The following HOXA10 variants were observed in gnomAD, a reference collection of about 807,000 sequenced individuals.
HOXA10 encodes the protein homeobox protein Hox-A10.
Under a neutral mutation model 29.7 loss-of-function variants are expected in HOXA10, and 12 were observed. The ratio of observed to expected loss-of-function variants is 0.40; its 90% confidence interval spans 0.26 to 0.65. HOXA10 has a LOEUF of 0.65. Among genes scored for constraint, HOXA10 ranks in the 30% least tolerant of loss-of-function variants. HOXA10 has a pLI of 0.37. For missense variants in HOXA10, 656 were observed against 585.9 expected, an observed-to-expected ratio of 1.12 and a Z score of -1.24; for synonymous variants, 327 against 280.7, an observed-to-expected ratio of 1.16 and a Z score of -1.65.
Position 27,174,230 on chromosome 7 carries a change from G to A in HOXA10, c.77C>T (p.Ala26Val). 1.2e-6 allele frequency: 2 copies of A among 1,600,480 alleles called. No individual in the cohort carries two copies. The highest frequency in any genetic ancestry group is 1.7e-6 in the Non-Finnish European group (2 of 1,179,824). The part of the protein sequence containing the change: ...TTMSCSESPA[A>V]NSFLVDSLIS... ...GAGCGAGTCGACCAAAAAAGAGTTC[G>A]CGGCGGGGCTCTCCGAGCATGACAT... The change falls in exon 1 of 2, where the codon GCG becomes GTG. Residue 26 changes from alanine (A) to valine (V), a missense_variant. Around this residue, in one of 2 missense-constraint regions of HOXA10, gnomAD observed 594 missense variants for 491.9 expected, o/e 1.21. Transcript: ENST00000283921.
upstream of HOXA10, among the ~76,000 whole-genome samples, chr7:27,176,891 T>A (rs542116558): frequency 1.3e-5 from 2 of 152,374 alleles, no homozygotes; most frequent in Non-Finnish European, 2.9e-5. Flanking sequence ...TATCTGTATA[T>A]TCCCACAATT....
Position 27,172,272 on chromosome 7 carries a change from C to T in HOXA10, c.959-99G>A, listed in dbSNP as rs138195574. The T allele has an allele frequency of 1.1e-3, 1,373 of 1,258,066 alleles. 24 individuals carry two copies. In the East Asian group the frequency reaches 0.027, roughly 25 times the overall value. 77.9% of individuals were successfully genotyped at this position (1,258,066 alleles called of 1,614,324 possible). On this transcript the variant is annotated intron_variant, in intron 1 of 1. Transcript: ENST00000283921. ...CCGTTTCTCCCATAAGAGAGATGTC[C>T]CAAGTCACAGAGAAGAGAGTCGTGC...
chr7:27,179,771 CT>C, exon 1 of HOXA10: 1 of 715,080 alleles, frequency 1.4e-6, no homozygotes. Context: ...GGTGAGTCCC[CT>C]TTTTCTGTTA....
At chr7:27,172,287 G>T in intron 1 of HOXA10, 114 bp from the exon 2 acceptor site, 1 of 1,136,846 alleles carries the variant, frequency 8.8e-7, no homozygotes, top group South Asian at 1.3e-5. Context: ...TCACAGAGAA[G>T]AGAGTCGTGC....
chr7:27,173,946 C>T lies in HOXA10; in HGVS notation c.361G>A (p.Ala121Thr), dbSNP rs1251237496. The T allele has an allele frequency of 6.6e-7, 1 of 1,526,054 alleles. No individual in the cohort carries two copies. Among genetic ancestry groups the T allele is most frequent in the South Asian group, 1.2e-5 (1 of 81,874 alleles). 94.5% of individuals were successfully genotyped at this position (1,526,054 alleles called of 1,614,324 possible). ...GPSPIDLWLD[A>T]PRSCRMEPPD... ...GGCTCCATCCGGCAAGACCGGGGCG[C>T]GTCTAGCCACAGGTCTATGGGCGAG... Residue 121 changes from alanine to threonine, a missense_variant, in exon 1 of 2, where the codon GCG becomes ACG. Transcript: ENST00000283921.
upstream of HOXA10, among the ~76,000 whole-genome samples, chr7:27,175,538 G>A (rs1274539736): frequency 6.6e-6 from 1 of 152,224 alleles, no homozygotes; most frequent in Non-Finnish European, 1.5e-5. Context: ...AGAGCATGTG[G>A]AGGTCAGGCC....
chr7:27,179,601 C>T, intron 1 of HOXA10: 2 of 770,564 alleles, frequency 2.6e-6, no homozygotes, highest in Non-Finnish European at 4.8e-6. Context: ...CACCTCCCCA[C>T]TCCCGCCCCA....
In HOXA10 at chr7:27,173,729, C is replaced by G. The variant is rs780711252; in HGVS notation, c.578G>C (p.Arg193Pro). The G allele has an allele frequency of 1.3e-6, 2 of 1,590,190 alleles. No individual in the cohort carries two copies. The highest frequency in any genetic ancestry group is 1.7e-6 in the Non-Finnish European group (2 of 1,169,134). ...ATAAELAPFP[R>P]GPPPDGCALG... ...GGCGCAGCCGTCGGGCGGCGGGCCC[C>G]GCGGGAAGGGAGCCAGTTCGGCGGC... Residue 193 changes from arginine (R) to proline (P), a missense_variant, in exon 1 of 2, where the codon CGG becomes CCG. Physicochemically the swap from Arg to Pro is moderately radical, Grantham distance 103 (BLOSUM62 -2). This residue lies in a region of HOXA10 where 594 missense variants were observed against 491.9 expected (regional missense o/e 1.21). Transcript: ENST00000283921.
rs746881966 is a variant in HOXA10 at position 27,171,202 on chromosome 7, G to A, written c.*697C>T. On this transcript the variant is annotated 3_prime_UTR_variant, in exon 2 of 2. Transcript: ENST00000283921. ...AGACCTTACAGAAACTGGAAGAGAAGTCCCCTTCTCTTGGTAATTCTTTTT... is the reference window on the plus strand; with the variant it reads ...AGACCTTACAGAAACTGGAAGAGAAATCCCCTTCTCTTGGTAATTCTTTTT... 9 of 454,064 alleles carry A rather than the reference G, an allele frequency of 2.0e-5. No individual in the cohort carries two copies. Among genetic ancestry groups the A allele is most frequent in the Middle Eastern group, 6.8e-4 (1 of 1,466 alleles). 28.1% of individuals were successfully genotyped at this position (454,064 alleles called of 1,614,324 possible). A position where few individuals can be genotyped will look rare whatever the true frequency, so the allele number is the denominator to read the frequency against.
chr7:27,174,391 C>T, upstream of HOXA10: 1 of 1,567,090 alleles, frequency 6.4e-7, no homozygotes, highest in South Asian at 1.1e-5. Context: ...CCAGAGTTTC[C>T]GCGCGACCAC....
At chr7:27,172,449 G>C in intron 1 of HOXA10, 1 of 529,988 alleles carries the variant, frequency 1.9e-6, no homozygotes, top group Non-Finnish European at 3.4e-6. Flanking sequence ...CTTGCAGAAG[G>C]AAAGGCCTGG....
In HOXA10 at chr7:27,173,809, CTCT is replaced by C. The variant is rs1783581872; in HGVS notation, c.495_497del (p.Glu166del). The C allele has an allele frequency of 1.2e-6, 2 of 1,611,576 alleles. No homozygotes were observed. The highest frequency in any genetic ancestry group is 1.7e-6 in the Non-Finnish European group (2 of 1,178,900). ...CCGAGTCGTAGAGGCAGTAGGAGCT[CTCT>C]TCTTTGATGTTCTGCGCGAAAGAGC... On this transcript the variant is annotated inframe_deletion, in exon 1 of 2. Transcript: ENST00000283921.
Position 27,171,222 on chromosome 7 carries a change from C to CT in HOXA10, c.*676dup, listed in dbSNP as rs771667354. 7.5e-4 allele frequency: 339 copies of CT among 453,244 alleles called. 2 individuals are homozygous for CT. The highest frequency in any genetic ancestry group is 3.5e-3 in the African/African-American group (176 of 49,928). The allele number at this position is 453,244 out of a possible 1,614,324, so 28.1% of individuals were successfully genotyped here. A position where few individuals can be genotyped will look rare whatever the true frequency, so the allele number is the denominator to read the frequency against. On this transcript the variant is annotated 3_prime_UTR_variant, in exon 2 of 2. Transcript: ENST00000283921. ...GAGAAGTCCCCTTCTCTTGGTAATT[C>CT]TTTTTTTTTCTTTTTAAAGCTGGGA... is the stretch of plus-strand genomic sequence containing the variant.
At chr7:27,174,378 G>A (rs139581121), upstream of HOXA10, 60 of 1,577,722 alleles carry the variant, frequency 3.8e-5, no homozygotes, top group Admixed American at 1.0e-3. Flanking sequence ...AGCCAATCCC[G>A]AGCCAGAGTT....
Position 27,171,251 on chromosome 7 carries a change from C to G in HOXA10, c.*648G>C, listed in dbSNP as rs1228150136. ...TTTTTTCTTTTTAAAGCTGGGATAT[C>G]TTACAGAGGAAGGAAAAATTAACCT... On this transcript the variant is annotated 3_prime_UTR_variant, in exon 2 of 2. Coordinates refer to ENST00000283921, the MANE Select transcript of HOXA10 (RefSeq NM_018951.4). 12 of 453,890 alleles carry G rather than the reference C, an allele frequency of 2.6e-5. No individual in the cohort carries two copies. Among genetic ancestry groups the G allele is most frequent in the Non-Finnish European group, 4.4e-5 (10 of 226,794 alleles). The allele number at this position is 453,890 out of a possible 1,614,324, so 28.1% of individuals were successfully genotyped here. A position where few individuals can be genotyped will look rare whatever the true frequency, so the allele number is the denominator to read the frequency against.
Position 27,173,340 on chromosome 7 carries a change from C to G in HOXA10, c.958+9G>C, listed in dbSNP as rs112203709. The stretch of plus-strand genomic sequence containing the variant: ...CCGCCTGACTGCAGCCCTCTGCAGC[C>G]CTGCTTACCCAGGGAATCCTTCTCC... On this transcript the variant is annotated intron_variant, in intron 1 of 1. Transcript: ENST00000283921. 1 of 1,611,814 alleles carries G rather than the reference C, an allele frequency of 6.2e-7. No homozygotes were observed. The highest frequency in any genetic ancestry group is 1.1e-5 in the South Asian group (1 of 90,968).
At chr7:27,179,189 A>G (rs1020986591), upstream of HOXA10, among the ~76,000 whole-genome samples, 4 of 152,196 alleles carry the variant, frequency 2.6e-5, no homozygotes, top group Admixed American at 1.3e-4. Context: ...AGATGCACCT[A>G]GTAGGAAACC....
Position 27,174,247 on chromosome 7 carries a change from G to A in HOXA10, c.60C>T (p.Cys20=), listed in dbSNP as rs747182497. 2.5e-6 allele frequency: 4 copies of A among 1,599,694 alleles called. No individual in the cohort carries two copies. Among genetic ancestry groups the A allele is most frequent in the East Asian group, 2.2e-5 (1 of 44,856 alleles). ...AAGAGTTCGCGGCGGGGCTCTCCGA[G>A]CATGACATTGTTGTGGGATAATTTG... ...PSPNYPTTMS[C]SESPAANSFL... The change falls in exon 1 of 2, where the codon TGC becomes TGT. Residue 20 remains cysteine, a synonymous_variant. Coordinates refer to ENST00000283921, the MANE Select transcript of HOXA10 (RefSeq NM_018951.4).
intron 1 of HOXA10, chr7:27,173,030 G>C (rs1190027508): frequency 7.4e-6 from 3 of 403,032 alleles, no homozygotes; most frequent in Non-Finnish European, 1.3e-5. Flanking sequence ...GCGCAGGCTG[G>C]GCAGGGACCA....
Sources: allele counts gnomAD v4.1 joint callset (sites outside exome capture counted in the v4.1 genomes callset), GRCh38; gene constraint gnomAD v4.1.1; regional missense constraint gnomAD v4.1.1; transcripts MANE v1.5; gene names NCBI Gene and HGNC (gene_info 2026-07-23, HGNC 2026-07-21).